Variants in EXOC5 observed in about 807,000 individuals in gnomAD.
EXOC5 encodes the protein SEC10-like 1.
A neutral mutation model predicts 90.8 loss-of-function variants in EXOC5; 17 were observed. The observed-to-expected ratio is 0.19, with a 90% CI of 0.13 to 0.28. The LOEUF is 0.28. Ranked by LOEUF, EXOC5 falls within the 10% of genes least tolerant of loss-of-function variation. The pLI, the probability that EXOC5 is intolerant of heterozygous loss-of-function variation, is 1.00. For missense variants in EXOC5, 569 were observed against 830.6 expected (o/e 0.69, Z 3.87); for synonymous variants, 260 against 270.0 (o/e 0.96, Z 0.36).
intron 13 of EXOC5, 95 bp from the exon 14 acceptor site, chr14:57,219,537 A>C: frequency 1.1e-6 from 1 of 929,876 alleles, no homozygotes; most frequent in East Asian, 2.9e-5. Flanking sequence ...TCTGTAACAT[A>C]AAATAAATGA....
intron 15 of EXOC5, 63 bp downstream of exon 15, chr14:57,217,919 T>A (rs1441647746): frequency 1.3e-6 from 1 of 795,260 alleles, no homozygotes; most frequent in Middle Eastern, 2.3e-4. Flanking sequence ...AGTATTTTCA[T>A]GCTGCTATAA....
rs184718852 is a variant in EXOC5 at position 57,267,904 on chromosome 14, G to A, written c.27+718C>T. On this transcript the variant is annotated intron_variant, in intron 1 of 17. Coordinates refer to ENST00000621441, the MANE Select transcript of EXOC5 (RefSeq NM_006544.4). ...TTAAGGTGCATTATATACATGAAACGAAGTGTTCGTTTTATTTTATAAACT... is the reference window on the plus strand; with the variant it reads ...TTAAGGTGCATTATATACATGAAACAAAGTGTTCGTTTTATTTTATAAACT... 6.4e-4 allele frequency among the ~76,000 whole-genome samples: 97 copies of A among 152,118 alleles called. No homozygotes were observed. The East Asian group carries it at 9.8e-3, about 15-fold the overall frequency.
chr14:57,245,755 C>T (rs1015012705), intron 3 of EXOC5, among the ~76,000 whole-genome samples: 3 of 152,084 alleles, frequency 2.0e-5, no homozygotes, highest in African/African-American at 7.2e-5. Context: ...TTCCAAACTA[C>T]ACTAAGGGAA....
Position 57,268,791 on chromosome 14 carries a change from C to G in EXOC5, c.-143G>C, listed in dbSNP as rs1884787871. On this transcript the variant is annotated 5_prime_UTR_variant, in exon 1 of 18. Coordinates refer to ENST00000621441, the MANE Select transcript of EXOC5 (RefSeq NM_006544.4). ...GCGGGCTCCCCAGCTCCCCACAGAT[C>G]CCAGGAGGGGCGGGAGAGCGGCCAT... is the stretch of plus-strand genomic sequence containing the variant. The G allele has an allele frequency of 1.4e-6, 2 of 1,418,506 alleles. No individual in the cohort carries two copies. The highest frequency in any genetic ancestry group is 1.5e-5 in the African/African-American group (1 of 66,704). 87.9% of individuals were successfully genotyped at this position (1,418,506 alleles called of 1,614,324 possible). A position where few individuals can be genotyped will look rare whatever the true frequency, so the allele number is the denominator to read the frequency against.
intron 5 of EXOC5, among the ~76,000 whole-genome samples, chr14:57,238,367 TATATATATACACAC>T (rs1883739235): frequency 2.1e-5 from 2 of 96,770 alleles, no homozygotes; most frequent in African/African-American, 7.7e-5. Flanking sequence ...TATATATATA[TATATATATACACAC>T]ACACACACAC....
At chr14:57,219,258 T>C (rs1219915214) in intron 14 of EXOC5, 64 bp downstream of exon 14, 17 of 898,666 alleles carry the variant, frequency 1.9e-5, no homozygotes, top group Admixed American at 1.2e-4. Flanking sequence ...AAAATATATA[T>C]AGATTATGTA....
chr14:57,222,981 A>G (rs533828119), intron 12 of EXOC5, among the ~76,000 whole-genome samples: 73 of 152,032 alleles, frequency 4.8e-4, no homozygotes, highest in Non-Finnish European at 8.5e-4. Flanking sequence ...ACCATAAAAT[A>G]TAACTGGTTC....
rs933669773 is a variant in EXOC5 at position 57,201,134 on chromosome 14, T to C, written c.*7475A>G. ...TCTCAATAATAATAAGCACATCTCATGCACAAATCTTGATTTCTAACTGCC... is the reference window on the plus strand; with the variant it reads ...TCTCAATAATAATAAGCACATCTCACGCACAAATCTTGATTTCTAACTGCC... On this transcript the variant is annotated 3_prime_UTR_variant, in exon 18 of 18. Transcript: ENST00000621441. 1 of 152,116 alleles carries C rather than the reference T, an allele frequency of 6.6e-6. No homozygotes were observed. Among genetic ancestry groups the C allele is most frequent in the Non-Finnish European group, 1.5e-5 (1 of 68,020 alleles). 9.4% of individuals were successfully genotyped at this position (152,116 alleles called of 1,614,324 possible).
At position 57,229,890 on chromosome 14, in the gene EXOC5, T is replaced by A; in HGVS notation, c.1149-9A>T. ...CCTTCAAATCTTGAATACTAGTACA[T>A]CATAAAGACAAATGAAAAAAAGAAA... On this transcript the variant is annotated splice_polypyrimidine_tract_variant and intron_variant, in intron 11 of 17. Coordinates refer to ENST00000621441, the MANE Select transcript of EXOC5 (RefSeq NM_006544.4). 7.3e-7 allele frequency: 1 copy of A among 1,362,634 alleles called. No individual in the cohort carries two copies. 84.4% of individuals were successfully genotyped at this position (1,362,634 alleles called of 1,614,324 possible).
intron 15 of EXOC5, among the ~76,000 whole-genome samples, chr14:57,217,467 T>C (rs1034981993): frequency 3.3e-5 from 5 of 152,202 alleles, no homozygotes; most frequent in Admixed American, 6.5e-5. Context: ...AAATCTGTTA[T>C]GGTGATCTGT....
At chr14:57,233,006 A>G (rs912138619) in intron 9 of EXOC5, 1 of 280,134 alleles carries the variant, frequency 3.6e-6, no homozygotes, top group Non-Finnish European at 6.6e-6. Flanking sequence ...AAATTGGCCT[A>G]TTCTGCTCTG....
intron 12 of EXOC5, among the ~76,000 whole-genome samples, chr14:57,229,436 T>C (rs540967486): frequency 4.5e-4 from 68 of 152,202 alleles, no homozygotes; most frequent in African/African-American, 1.5e-3. Context: ...AAAAAGAGAA[T>C]GGTTGCATCT....
At position 57,245,427 on chromosome 14, in the gene EXOC5, A is replaced by G. The variant is rs544589709; in HGVS notation, c.271-1068T>C. On this transcript the variant is annotated intron_variant, in intron 3 of 17. Transcript: ENST00000621441. ...ATTAAAAAAAAACCTGAGCCATGAAAAGGTTAAATTGCTTGAGATTACACA... is the reference window on the plus strand; with the variant it reads ...ATTAAAAAAAAACCTGAGCCATGAAGAGGTTAAATTGCTTGAGATTACACA... Among the ~76,000 whole-genome samples, 4 of 152,308 alleles carry G rather than the reference A, an allele frequency of 2.6e-5. No individual in the cohort carries two copies. The South Asian group carries it at 8.3e-4, about 32-fold the overall frequency.
At chr14:57,228,524 A>G (rs1392407958) in intron 12 of EXOC5, among the ~76,000 whole-genome samples, 1 of 152,206 alleles carries the variant, frequency 6.6e-6, no homozygotes, top group East Asian at 1.9e-4. Context: ...CTATGCAGCC[A>G]TCAAAAAGGA....
At chr14:57,257,830 A>C (rs1884396061) in intron 1 of EXOC5, among the ~76,000 whole-genome samples, 1 of 152,160 alleles carries the variant, frequency 6.6e-6, no homozygotes, top group Non-Finnish European at 1.5e-5. Context: ...CAAATGACCA[A>C]GTCCTCCCAA....
At position 57,204,307 on chromosome 14, in the gene EXOC5, T is replaced by C. The variant is rs996549490; in HGVS notation, c.*4302A>G. 6.6e-6 allele frequency: 1 copy of C among 152,114 alleles called. No individual in the cohort carries two copies. Among genetic ancestry groups the C allele is most frequent in the Non-Finnish European group, 1.5e-5 (1 of 67,986 alleles). 9.4% of individuals were successfully genotyped at this position (152,114 alleles called of 1,614,324 possible). On this transcript the variant is annotated 3_prime_UTR_variant, in exon 18 of 18. Coordinates refer to ENST00000621441, the MANE Select transcript of EXOC5 (RefSeq NM_006544.4). Reference sequence around the variant, plus strand: ...TTCTGTCCCCTATACATTTGAACAGTTGTTTCCTCCCTAAATTTGTAAAGA... The same window carrying C: ...TTCTGTCCCCTATACATTTGAACAGCTGTTTCCTCCCTAAATTTGTAAAGA...
At chr14:57,218,160 C>G in intron 14 of EXOC5, 92 bp from the exon 15 acceptor site, 1 of 610,862 alleles carries the variant, frequency 1.6e-6, no homozygotes, top group Admixed American at 3.2e-5. Context: ...ACATTATATA[C>G]ATTTATAAAT....
At chr14:57,228,155 A>G (rs561784830) in intron 12 of EXOC5, among the ~76,000 whole-genome samples, 33 of 152,322 alleles carry the variant, frequency 2.2e-4, no homozygotes, top group African/African-American at 7.2e-4. Context: ...ACAATGAGAT[A>G]CCATCTCACG....
intron 1 of EXOC5, among the ~76,000 whole-genome samples, chr14:57,254,413 T>A (rs1884286135): frequency 6.7e-6 from 1 of 150,192 alleles, no homozygotes; most frequent in Admixed American, 6.6e-5. Context: ...CCAGCCTGGG[T>A]AACAGAGTGA....
Sources: allele counts gnomAD v4.1 joint callset (sites outside exome capture counted in the v4.1 genomes callset), GRCh38; gene constraint gnomAD v4.1.1; transcripts MANE v1.5; gene names NCBI Gene and HGNC (gene_info 2026-07-23, HGNC 2026-07-21).